Variants in SOS1 observed in about 807,000 individuals in gnomAD.
SOS1 encodes the protein SOS Ras/Rac guanine nucleotide exchange factor 1.
SOS1 carries 25 observed loss-of-function variants against 157.6 expected under a neutral mutation model. The ratio of observed to expected loss-of-function variants is 0.16; its 90% CI spans 0.12 to 0.22. SOS1 has a LOEUF of 0.22. Among genes scored for constraint, SOS1 ranks in the 10% least tolerant of loss-of-function variants. The probability of loss-of-function intolerance (pLI) is 1.00; values close to 1 mark genes in which losing one functional copy is unlikely to be tolerated. For synonymous variants in SOS1, 528 were observed against 534.0 expected (o/e 0.99, Z 0.16); for missense variants, 1,237 against 1,599.1 (o/e 0.77, Z 3.86).
intron 14 of SOS1, 63 bp from the exon 15 acceptor site, chr2:39,010,766 T>A: frequency 7.5e-7 from 1 of 1,330,074 alleles, no homozygotes; most frequent in Non-Finnish European, 1.1e-6. Context: ...ATTGTTTTAT[T>A]AAGTAAAGGA....
chr2:39,076,210 G>A (rs1220798553), intron 1 of SOS1, among the ~76,000 whole-genome samples: 2 of 152,102 alleles, frequency 1.3e-5, no homozygotes, highest in African/African-American at 4.8e-5. Flanking sequence ...GACCAGTCTG[G>A]GTAACAAGGC....
intron 8 of SOS1, among the ~76,000 whole-genome samples, chr2:39,029,581 A>AC (rs1670085888): frequency 6.6e-6 from 1 of 152,122 alleles, no homozygotes; most frequent in Non-Finnish European, 1.5e-5. Flanking sequence ...CAGTGACTGT[A>AC]CCACTGCACT....
chr2:39,005,231 G>A lies in SOS1; in HGVS notation c.2791+1181C>T, dbSNP rs116611365. 2.7e-3 allele frequency among the ~76,000 whole-genome samples: 414 copies of A among 152,192 alleles called. 3 individuals carry two copies. The highest frequency in any genetic ancestry group is 9.5e-3 in the African/African-American group (395 of 41,526). On this transcript the variant is annotated intron_variant, in intron 17 of 22. Coordinates refer to ENST00000402219, the MANE Select transcript of SOS1 (RefSeq NM_005633.4). ...TCTCCCAAAATATCTCATGTTTTTG[G>A]ACCAAAGCTGACCATGGATAACTGA...
At chr2:39,029,609 G>C (rs1370350412) in intron 8 of SOS1, among the ~76,000 whole-genome samples, 2 of 151,130 alleles carry the variant, frequency 1.3e-5, no homozygotes, top group East Asian at 2.0e-4. Context: ...GGGTGACAGA[G>C]TGAGACCCTG....
At position 39,022,856 on chromosome 2, in the gene SOS1, A is replaced by C. The variant is rs998128785; in HGVS notation, c.1572T>G (p.Val524=). The C allele has an allele frequency of 1.2e-6, 2 of 1,612,650 alleles. No homozygotes were observed. Among genetic ancestry groups the C allele is most frequent in the Non-Finnish European group, 8.5e-7 (1 of 1,178,966 alleles). ...FEIILKDENS[V]IFSAKSAEEK... is the part of the protein sequence containing the mutation. ...CTTCAGCTGACTTGGCAGAAAATAT[A>C]ACACTATTTTCATCTTTTAAAATTA... Residue 524 remains valine (V), a synonymous_variant, in exon 10 of 23, where the codon GTT becomes GTG. Coordinates refer to ENST00000402219, the MANE Select transcript of SOS1 (RefSeq NM_005633.4).
chr2:39,093,762 A>T (rs1163001321), intron 1 of SOS1, among the ~76,000 whole-genome samples: 1 of 152,160 alleles, frequency 6.6e-6, no homozygotes, highest in Non-Finnish European at 1.5e-5. Context: ...TTTGAATGTG[A>T]TGGAGTGGCA....
rs1409282524 is a variant in SOS1, at chr2:39,075,198, C to T, written c.88-7445G>A. 4.6e-5 allele frequency among the ~76,000 whole-genome samples: 7 copies of T among 152,146 alleles called. No homozygotes were observed. In the East Asian group the frequency reaches 1.2e-3, roughly 25 times the overall value. ...GAGATTGAAGACCTGGACCGAGGCA[C>T]AAACAGTGGGAGGTGGGAAAGAAGG... On this transcript the variant is annotated intron_variant, in intron 1 of 22. Transcript: ENST00000402219.
chr2:39,071,941 C>G (rs1227679161), intron 1 of SOS1, among the ~76,000 whole-genome samples: 1 of 144,802 alleles, frequency 6.9e-6, no homozygotes, highest in Non-Finnish European at 1.5e-5. Context: ...TTTTCTTTGT[C>G]CTTTTCTTCT....
At chr2:39,028,487 G>A (rs747341114) in intron 8 of SOS1, among the ~76,000 whole-genome samples, 2 of 152,110 alleles carry the variant, frequency 1.3e-5, no homozygotes, top group Admixed American at 6.5e-5. Flanking sequence ...GCTTGAATTC[G>A]TTTTTATTCC....
At chr2:39,008,386 C>G (rs926485107) in intron 15 of SOS1, among the ~76,000 whole-genome samples, 1 of 152,186 alleles carries the variant, frequency 6.6e-6, no homozygotes, top group African/African-American at 2.4e-5. Context: ...GCCATTGTTG[C>G]CCAGCCCCAG....
At chr2:39,114,826 G>A (rs1673585249) in intron 1 of SOS1, among the ~76,000 whole-genome samples, 2 of 152,138 alleles carry the variant, frequency 1.3e-5, no homozygotes, top group African/African-American at 2.4e-5. Context: ...TCAAACTCCT[G>A]ACCACAGGTG....
intron 1 of SOS1, among the ~76,000 whole-genome samples, chr2:39,102,056 A>C (rs1024195534): frequency 6.6e-6 from 1 of 151,418 alleles, no homozygotes; most frequent in Non-Finnish European, 1.5e-5. Context: ...AAATGCAAAA[A>C]TTAGCCAGGC....
intron 10 of SOS1, among the ~76,000 whole-genome samples, chr2:39,020,231 T>C (rs1669756449): frequency 6.6e-6 from 1 of 151,648 alleles, no homozygotes; most frequent in Non-Finnish European, 1.5e-5. Flanking sequence ...TAGCTCCATT[T>C]TGTACATTAC....
chr2:39,027,944 C>T (rs1670023530), intron 8 of SOS1, among the ~76,000 whole-genome samples: 1 of 151,910 alleles, frequency 6.6e-6, no homozygotes, highest in African/African-American at 2.4e-5. Context: ...GATTCTCCTA[C>T]CTCAGCCTCC....
chr2:39,071,170 T>C (rs1671779805), intron 1 of SOS1, among the ~76,000 whole-genome samples: 1 of 152,038 alleles, frequency 6.6e-6, no homozygotes, highest in Non-Finnish European at 1.5e-5. Flanking sequence ...ACCCAGCCAG[T>C]CCCTCTATTT....
At chr2:39,035,902 TTC>T (rs1420825406) in intron 6 of SOS1, among the ~76,000 whole-genome samples, 1 of 152,130 alleles carries the variant, frequency 6.6e-6, no homozygotes, top group East Asian at 1.9e-4. Flanking sequence ...GTTTTTATAG[TTC>T]TCAGTGGTGG....
rs914811245 is a variant in SOS1 at position 39,120,689 on chromosome 2, G to A, written c.-267C>T. ...ATCCCGCACCACCGCCCCGGGGCCA[G>A]GCCCCCCGCCCCTCCCCGGCCCGCC... On this transcript the variant is annotated 5_prime_UTR_variant, in exon 1 of 23. Coordinates refer to ENST00000402219, the MANE Select transcript of SOS1 (RefSeq NM_005633.4). Among the ~76,000 whole-genome samples, 16 of 146,870 alleles carry A rather than the reference G, an allele frequency of 1.1e-4. No homozygotes were observed. Among genetic ancestry groups the A allele is most frequent in the Non-Finnish European group, 2.3e-4 (15 of 65,910 alleles).
At chr2:39,054,173 C>T (rs1186910449) in intron 5 of SOS1, among the ~76,000 whole-genome samples, 1 of 152,124 alleles carries the variant, frequency 6.6e-6, no homozygotes, top group Non-Finnish European at 1.5e-5. Flanking sequence ...GTGATCTGCC[C>T]GCCTCGGCCT....
At chr2:39,112,491 C>T (rs570041296) in intron 1 of SOS1, among the ~76,000 whole-genome samples, 13 of 151,800 alleles carry the variant, frequency 8.6e-5, no homozygotes, top group Non-Finnish European at 1.5e-4. Context: ...TTGGTAGAGA[C>T]GGTGTTTCAC....
Sources: gnomAD v4.1 joint callset for allele counts (sites outside exome capture counted in the v4.1 genomes callset) on GRCh38, gnomAD v4.1.1 for gene constraint, MANE v1.5 for transcripts, NCBI Gene and HGNC (gene_info 2026-07-23, HGNC 2026-07-21) for gene names.